The following FMN2 variants were observed in gnomAD, a reference collection of about 807,000 sequenced individuals.
FMN2 encodes the protein formin-2.
A neutral mutation model predicts 142.3 loss-of-function variants in FMN2; 51 were observed. The observed-to-expected ratio is 0.36, with a 90% CI of 0.29 to 0.45. The LOEUF (loss-of-function observed/expected upper bound fraction) is 0.45, where lower values mean the gene tolerates loss of function less well. Ranked by LOEUF, FMN2 falls within the 20% of genes least tolerant of loss-of-function variation. The pLI is 1.00. For missense variants in FMN2, 1,936 were observed against 2,122.8 expected, an observed-to-expected ratio of 0.91 and a Z score of 1.73; for synonymous variants, 882 against 869.8, an observed-to-expected ratio of 1.01 and a Z score of -0.25.
At chr1:240,300,097 C>G (rs1217462498) in intron 8 of FMN2, among the ~76,000 whole-genome samples, 3 of 152,162 alleles carry the variant, frequency 2.0e-5, no homozygotes, top group Non-Finnish European at 4.4e-5. Context: ...CATCCCTCCT[C>G]TATCACCCCA....
chr1:240,109,786 G>A (rs1661740368), intron 1 of FMN2, among the ~76,000 whole-genome samples: 1 of 152,140 alleles, frequency 6.6e-6, no homozygotes, highest in Non-Finnish European at 1.5e-5. Flanking sequence ...TATGTTGTCA[G>A]CAGTTAGCAA....
At chr1:240,266,997 C>G (rs7413761) in intron 7 of FMN2, among the ~76,000 whole-genome samples, 103,185 of 151,868 alleles carry the variant, frequency 0.68, 35,575 homozygotes, top group East Asian at 0.84. Context: ...AAGAGTCGTA[C>G]AAGAAAACCT....
intron 15 of FMN2, among the ~76,000 whole-genome samples, chr1:240,393,091 G>A (rs1195581219): frequency 6.6e-6 from 1 of 151,570 alleles, no homozygotes; most frequent in Non-Finnish European, 1.5e-5. Flanking sequence ...GAACAAACTG[G>A]CGATACAGAT....
chr1:240,368,955 T>TTA (rs10671772), intron 14 of FMN2, among the ~76,000 whole-genome samples: 44,080 of 147,888 alleles, frequency 0.3, 6,839 homozygotes, highest in East Asian at 0.56. Flanking sequence ...AACACAATGT[T>TTA]TATATATATA....
In FMN2 at chr1:240,093,597, G is replaced by A. The variant is rs761401496; in HGVS notation, c.1488G>A (p.Val496=). 2.8e-6 allele frequency: 4 copies of A among 1,438,008 alleles called. No individual in the cohort carries two copies. In the South Asian group the frequency reaches 6.1e-5, roughly 22 times the overall value. 89.1% of individuals were successfully genotyped at this position (1,438,008 alleles called of 1,614,324 possible). A position where few individuals can be genotyped will look rare whatever the true frequency, so the allele number is the denominator to read the frequency against. The change falls in exon 1 of 18, where the codon GTG becomes GTA. Residue 496 remains valine (V), a synonymous_variant. Coordinates refer to ENST00000319653, the MANE Select transcript of FMN2 (RefSeq NM_020066.5). The stretch of plus-strand genomic sequence containing the variant: ...AGCTAGGCGCCCGCACGCCCCGGGT[G>A]GGAGGCTCCGCGCACCTGCTGGAGC... ...TEELGARTPR[V]GGSAHLLERG...
At chr1:240,266,013 T>G (rs1399333084) in intron 7 of FMN2, among the ~76,000 whole-genome samples, 11 of 80,488 alleles carry the variant, frequency 1.4e-4, no homozygotes, top group Non-Finnish European at 2.3e-4. Flanking sequence ...CCAGAATCTG[T>G]TACTTCCTTT....
intron 14 of FMN2, among the ~76,000 whole-genome samples, chr1:240,384,918 C>G (rs1438575555): frequency 6.6e-6 from 1 of 152,104 alleles, no homozygotes; most frequent in Non-Finnish European, 1.5e-5. Flanking sequence ...CCCATTTAAA[C>G]ATCTCTAAAA....
At chr1:240,112,049 T>C (rs991641645) in intron 1 of FMN2, among the ~76,000 whole-genome samples, 2 of 152,174 alleles carry the variant, frequency 1.3e-5, no homozygotes, top group Non-Finnish European at 2.9e-5. Flanking sequence ...TAATATGTAA[T>C]ATGTGTGATC....
chr1:240,151,089 T>C (rs1663751392), intron 2 of FMN2, among the ~76,000 whole-genome samples: 1 of 152,230 alleles, frequency 6.6e-6, no homozygotes, highest in Admixed American at 6.5e-5. Flanking sequence ...ATTGTTATGT[T>C]GATTTAAGGG....
At position 240,143,859 on chromosome 1, in the gene FMN2, C is replaced by A. The variant is rs1213070753; in HGVS notation, c.1782+20514C>A. 3 of 1,585,686 alleles carry A rather than the reference C, an allele frequency of 1.9e-6. No individual in the cohort carries two copies. The African/African-American group carries it at 4.0e-5, about 21-fold the overall frequency. ...GCCACCTCCATGCTGGACTTTGAAT[C>A]TCCCATCACAGGCAGCAGCAGTGTT... On this transcript the variant is annotated intron_variant, in intron 2 of 17. Transcript: ENST00000319653.
At chr1:240,412,905 G>A (rs147281713) in intron 15 of FMN2, among the ~76,000 whole-genome samples, 3,232 of 151,782 alleles carry the variant, frequency 0.021, 125 homozygotes, top group African/African-American at 0.074. Context: ...GGTGGATCAC[G>A]AGGTCAGGAG....
intron 7 of FMN2, among the ~76,000 whole-genome samples, chr1:240,271,102 T>TTTTTTTTTTTTTTTTTTTTTTTG (rs1572139605): frequency 7.0e-6 from 1 of 142,070 alleles, no homozygotes; most frequent in Non-Finnish European, 1.5e-5. Flanking sequence ...ACGATGGTTT[T>TTTTTTTTTTTTTTTTTTTTTTTG]TTTTTTTTTT....
intron 2 of FMN2, among the ~76,000 whole-genome samples, chr1:240,159,515 C>A (rs143880443): frequency 8.5e-5 from 13 of 152,174 alleles, no homozygotes; most frequent in African/African-American, 2.9e-4. Context: ...ATCTAAGAGT[C>A]AGGTATTACT....
At position 240,092,418 on chromosome 1, in the gene FMN2, G is replaced by T. The variant is rs1374240101; in HGVS notation, c.309G>T (p.Leu103=). The change falls in exon 1 of 18, where the codon CTG becomes CTT. Residue 103 remains leucine, a synonymous_variant. Transcript: ENST00000319653. ...AAGATGTACTGGATTCCCAGGCCCTGCAGACCGGGGAGCTGGACAGCGCTC... is the reference window on the plus strand; with the variant it reads ...AAGATGTACTGGATTCCCAGGCCCTTCAGACCGGGGAGCTGGACAGCGCTC... ...SREDVLDSQA[L]QTGELDSAHS... The T allele has an allele frequency of 6.2e-7, 1 of 1,612,248 alleles. No individual in the cohort carries two copies. Among genetic ancestry groups the T allele is most frequent in the East Asian group, 2.2e-5 (1 of 44,796 alleles).
intron 16 of FMN2, among the ~76,000 whole-genome samples, chr1:240,459,598 T>C (rs1676367606): frequency 6.6e-6 from 1 of 151,766 alleles, no homozygotes; most frequent in South Asian, 2.1e-4. Flanking sequence ...GCACCTGTAG[T>C]TGCAGCTACT....
chr1:240,438,702 T>C (rs531647953), intron 16 of FMN2, among the ~76,000 whole-genome samples: 37 of 152,298 alleles, frequency 2.4e-4, no homozygotes, highest in Non-Finnish European at 4.7e-4. Context: ...TGTAGAATTA[T>C]GTGATACCTT....
At chr1:240,444,293 G>A (rs184945335) in intron 16 of FMN2, among the ~76,000 whole-genome samples, 42 of 152,294 alleles carry the variant, frequency 2.8e-4, no homozygotes, top group African/African-American at 9.1e-4. Context: ...ACCAGGAGCA[G>A]GGACTAAGGA....
At chr1:240,412,672 A>T (rs1674437857) in intron 15 of FMN2, among the ~76,000 whole-genome samples, 1 of 152,130 alleles carries the variant, frequency 6.6e-6, no homozygotes, top group Non-Finnish European at 1.5e-5. Context: ...GAATTATAGG[A>T]ATACAGTGGT....
chr1:240,131,861 G>A (rs1226254636), intron 2 of FMN2, among the ~76,000 whole-genome samples: 1 of 152,218 alleles, frequency 6.6e-6, no homozygotes, highest in African/African-American at 2.4e-5. Flanking sequence ...ACCTGGGGGT[G>A]CTTTTGAATA....
Sources: gnomAD v4.1 joint callset for allele counts (sites outside exome capture counted in the v4.1 genomes callset) on GRCh38, gnomAD v4.1.1 for gene constraint, MANE v1.5 for transcripts, NCBI Gene and HGNC (gene_info 2026-07-23, HGNC 2026-07-21) for gene names.